The following SLC4A10 variants were observed in gnomAD, a reference collection of about 807,000 sequenced individuals.
SLC4A10 encodes sodium-driven chloride bicarbonate exchanger.
SLC4A10 carries 42 observed loss-of-function variants against 137.7 expected under a neutral mutation model. The observed-to-expected ratio is 0.30, with a 90% CI of 0.24 to 0.39. SLC4A10 has a LOEUF of 0.39. SLC4A10 is among the 10% of genes least tolerant of loss of function. SLC4A10 has a pLI of 1.00. For missense variants in SLC4A10, 925 were observed against 1,355.0 expected (o/e 0.68, Z 4.98); for synonymous variants, 474 against 464.1 (o/e 1.02, Z -0.27).
chr2:161,704,859 T>C (rs1313805668), intron 1 of SLC4A10, among the ~76,000 whole-genome samples: 4 of 151,666 alleles, frequency 2.6e-5, no homozygotes, highest in African/African-American at 9.7e-5. Context: ...TAAACATCTT[T>C]GAGCATAAAT....
chr2:161,808,893 T>C lies in SLC4A10; in HGVS notation c.277+4298T>C, dbSNP rs4613298. ...TGAACATACCAGTGCATGCATCTTT[T>C]TGGTGGAATGATTCATTTTTCTTTG... is the stretch of plus-strand genomic sequence containing the variant. On this transcript the variant is annotated intron_variant, in intron 3 of 26. Coordinates refer to ENST00000446997, the MANE Select transcript of SLC4A10 (RefSeq NM_001178015.2). Among the ~76,000 whole-genome samples, 86 of 152,276 alleles carry C rather than the reference T, an allele frequency of 5.6e-4. 1 individual carries two copies. The South Asian group carries it at 8.5e-3, about 15-fold the overall frequency.
chr2:161,875,514 G>A (rs958872515), intron 8 of SLC4A10, among the ~76,000 whole-genome samples: 1 of 152,092 alleles, frequency 6.6e-6, no homozygotes, highest in Non-Finnish European at 1.5e-5. Flanking sequence ...CTTACTTAAG[G>A]AATGATTAGG....
chr2:161,829,890 C>G (rs555595416), intron 3 of SLC4A10, among the ~76,000 whole-genome samples: 1 of 152,060 alleles, frequency 6.6e-6, no homozygotes, highest in South Asian at 2.1e-4. Flanking sequence ...AAGGGGTTTC[C>G]CCTTATAAAA....
chr2:161,895,827 G>A (rs2063429871), intron 11 of SLC4A10, among the ~76,000 whole-genome samples: 1 of 152,092 alleles, frequency 6.6e-6, no homozygotes, highest in Non-Finnish European at 1.5e-5. Flanking sequence ...TTTGTCAGAT[G>A]AGTAGGTTGT....
intron 1 of SLC4A10, among the ~76,000 whole-genome samples, chr2:161,688,844 A>T (rs1019448062): frequency 6.6e-6 from 1 of 152,120 alleles, no homozygotes; most frequent in African/African-American, 2.4e-5. Context: ...TCATTGAAGG[A>T]CTGCATATAC....
chr2:161,704,575 G>A (rs1024454845), intron 1 of SLC4A10, among the ~76,000 whole-genome samples: 8 of 151,538 alleles, frequency 5.3e-5, no homozygotes, highest in African/African-American at 1.9e-4. Context: ...ATATTTATAA[G>A]ATGAGTCATA....
At chr2:161,644,259 G>C (rs1019606050) in intron 1 of SLC4A10, among the ~76,000 whole-genome samples, 2 of 152,100 alleles carry the variant, frequency 1.3e-5, no homozygotes, top group Non-Finnish European at 2.9e-5. Flanking sequence ...CACTTTGGGA[G>C]ACTGAGGTGA....
At chr2:161,841,991 T>G (rs528482145) in intron 4 of SLC4A10, among the ~76,000 whole-genome samples, 1 of 152,312 alleles carries the variant, frequency 6.6e-6, no homozygotes, top group South Asian at 2.1e-4. Flanking sequence ...ATTTGGAACA[T>G]TTTCCATATC....
chr2:161,976,842 T>G lies in SLC4A10; in HGVS notation c.3310T>G (p.Ser1104Ala), dbSNP rs1699459454. Reference sequence around the variant, plus strand: ...GAACCTTCTGATTACTGCCGATAACTCAAAAGATAAGGAGTCAAGCTTTCC... The same window carrying G: ...GAACCTTCTGATTACTGCCGATAACGCAAAAGATAAGGAGTCAAGCTTTCC... ...WRNLLITADN[S>A]KDKESSFPSK... Residue 1104 changes from serine to alanine, a missense_variant, in exon 25 of 27, where the codon TCA becomes GCA. This residue lies in a region of SLC4A10 where 84 missense variants were observed against 76.9 expected (regional missense o/e 1.09). Coordinates refer to ENST00000446997, the MANE Select transcript of SLC4A10 (RefSeq NM_001178015.2). 6.2e-7 allele frequency: 1 copy of G among 1,601,410 alleles called. No homozygotes were observed. Among genetic ancestry groups the G allele is most frequent in the Admixed American group, 1.7e-5 (1 of 58,612 alleles).
intron 10 of SLC4A10, among the ~76,000 whole-genome samples, chr2:161,882,670 T>G (rs1254760619): frequency 3.3e-5 from 5 of 152,108 alleles, no homozygotes; most frequent in African/African-American, 1.2e-4. Context: ...TAAAGAAATT[T>G]TTTCAGTGAC....
chr2:161,630,034 A>T (rs550523688), intron 1 of SLC4A10, among the ~76,000 whole-genome samples: 8 of 151,890 alleles, frequency 5.3e-5, no homozygotes, highest in African/African-American at 1.9e-4. Flanking sequence ...CATGTTTTCA[A>T]TTTCTTTGGG....
intron 6 of SLC4A10, among the ~76,000 whole-genome samples, chr2:161,868,117 G>T (rs527300834): frequency 6.6e-6 from 1 of 151,804 alleles, no homozygotes; most frequent in East Asian, 1.9e-4. Context: ...TTTAAAAGTT[G>T]CTAAGCTGCT....
intron 21 of SLC4A10, 141 bp downstream of exon 21, chr2:161,958,696 GT>G (rs1236625388): frequency 1.8e-6 from 1 of 561,446 alleles, no homozygotes; most frequent in Non-Finnish European, 3.1e-6. Flanking sequence ...ACTTGTCAGA[GT>G]TACAAAAGTT....
At chr2:161,941,922 A>G (rs1264756191) in intron 15 of SLC4A10, among the ~76,000 whole-genome samples, 3 of 152,194 alleles carry the variant, frequency 2.0e-5, no homozygotes, top group African/African-American at 4.8e-5. Flanking sequence ...AGCAAGAACC[A>G]TATCTGTCTA....
intron 10 of SLC4A10, among the ~76,000 whole-genome samples, chr2:161,891,898 G>T (rs538903328): frequency 6.6e-6 from 1 of 152,046 alleles, no homozygotes; most frequent in East Asian, 2.0e-4. Flanking sequence ...GGAATTTTCA[G>T]CCTTTTTGTG....
intron 3 of SLC4A10, among the ~76,000 whole-genome samples, chr2:161,805,336 T>C (rs2055824795): frequency 6.6e-6 from 1 of 152,188 alleles, no homozygotes; most frequent in South Asian, 2.1e-4. Flanking sequence ...GTTCCACCCT[T>C]GGGCCCTCCC....
chr2:161,944,011 T>G, intron 16 of SLC4A10, among the ~76,000 whole-genome samples: 1 of 151,918 alleles, frequency 6.6e-6, no homozygotes, highest in East Asian at 1.9e-4. Context: ...TTTTACTACT[T>G]CTATTCTTAC....
At chr2:161,828,661 T>A (rs2058191631) in intron 3 of SLC4A10, among the ~76,000 whole-genome samples, 1 of 146,330 alleles carries the variant, frequency 6.8e-6, no homozygotes, top group Admixed American at 6.8e-5. Context: ...TATTTTTTCA[T>A]CCTTGTTTGA....
At chr2:161,867,385 G>GA (rs1187412372) in intron 6 of SLC4A10, among the ~76,000 whole-genome samples, 1 of 151,698 alleles carries the variant, frequency 6.6e-6, no homozygotes, top group East Asian at 1.9e-4. Flanking sequence ...TACCTTTGAA[G>GA]AAAAAATAAA....
Sources: allele counts gnomAD v4.1 joint callset (sites outside exome capture counted in the v4.1 genomes callset), GRCh38; gene constraint gnomAD v4.1.1; regional missense constraint gnomAD v4.1.1; transcripts MANE v1.5; gene names NCBI Gene and HGNC (gene_info 2026-07-23, HGNC 2026-07-21).